ANK3: variants seen among roughly 807,000 people sequenced by gnomAD.
ANK3 encodes the protein ankyrin-3.
A neutral mutation model predicts 370.9 loss-of-function variants in ANK3; 57 were observed. The observed-to-expected ratio is 0.15, with a 90% CI of 0.12 to 0.19. ANK3 has a LOEUF of 0.19. Ranked by LOEUF, ANK3 falls within the 10% of genes least tolerant of loss-of-function variation. The probability of loss-of-function intolerance (pLI) is 1.00; values close to 1 mark genes in which losing one functional copy is unlikely to be tolerated. For synonymous variants in ANK3, 1,929 were observed against 1,946.3 expected (o/e 0.99, Z 0.23); for missense variants, 4,439 against 5,302.1 (o/e 0.84, Z 5.06).
At position 60,395,550 on chromosome 10, in the gene ANK3, C is replaced by CTCTTTCTTTCTT. The variant is rs58204421; in HGVS notation, c.97-115923_97-115912dup. Among the ~76,000 whole-genome samples, 696 of 108,112 alleles carry CTCTTTCTTTCTT rather than the reference C, an allele frequency of 6.4e-3. 8 individuals carry two copies. Among genetic ancestry groups the CTCTTTCTTTCTT allele is most frequent in the East Asian group, 0.017 (53 of 3,046 alleles). The allele number at this position is 108,112 out of a possible 152,430, so 70.9% of individuals were successfully genotyped here. ...AACACTTAGCAATCAACTACTATGC[C>CTCTTTCTTTCTT]TCTTTCTTTCTTTCTTTCTTTCTTT... On this transcript the variant is annotated intron_variant, in intron 2 of 43. Coordinates refer to the ANK3 transcript ENST00000373827.
intron 4 of ANK3, among the ~76,000 whole-genome samples, chr10:60,271,126 T>G (rs1373578101): frequency 6.6e-6 from 1 of 152,204 alleles, no homozygotes; most frequent in Non-Finnish European, 1.5e-5. Flanking sequence ...ACTATACTAT[T>G]TTAAAATCTT....
intron 23 of ANK3, among the ~76,000 whole-genome samples, chr10:60,148,058 G>A (rs1291092559): frequency 6.6e-6 from 1 of 152,148 alleles, no homozygotes; most frequent in Non-Finnish European, 1.5e-5. Flanking sequence ...GCCTCCTGTG[G>A]GATGGCCATC....
rs368634935 is a variant in ANK3, at chr10:60,172,376, G to A, written c.2410C>T (p.Arg804Trp). ...ACTACTGAGATGTAGCCGAGGCGCC[G>A]GGCAATGCCAAGGGCAGTATTCCCA... is the stretch of plus-strand genomic sequence containing the variant. ...VNGNTALGIA[R>W]RLGYISVVDT... Residue 804 changes from arginine to tryptophan, a missense_variant, in exon 21 of 44, where the codon CGG becomes TGG. This residue lies in a region of ANK3 where 702 missense variants were observed against 941.5 expected (regional missense o/e 0.75). Coordinates refer to ENST00000280772, the MANE Select transcript of ANK3 (RefSeq NM_020987.5). The A allele has an allele frequency of 5.4e-5, 87 of 1,613,818 alleles. No individual in the cohort carries two copies. Among genetic ancestry groups the A allele is most frequent in the Admixed American group, 1.2e-4 (7 of 60,000 alleles).
At chr10:60,284,238 G>T (rs1365356659) in intron 1 of ANK3, among the ~76,000 whole-genome samples, 1 of 152,142 alleles carries the variant, frequency 6.6e-6, no homozygotes, top group African/African-American at 2.4e-5. Context: ...CTGCCCTAGA[G>T]TCTTTAGAGG....
At chr10:60,310,715 A>C (rs1286060587) in intron 1 of ANK3, among the ~76,000 whole-genome samples, 1 of 152,212 alleles carries the variant, frequency 6.6e-6, no homozygotes, top group African/African-American at 2.4e-5. Flanking sequence ...CCCAATGTCT[A>C]AAATGTGTAG....
chr10:60,615,313 T>C (rs2078253432), intron 1 of ANK3: 1 of 878,032 alleles, frequency 1.1e-6, no homozygotes, highest in Non-Finnish European at 1.7e-6. Flanking sequence ...ACATTATTAA[T>C]TGACTTATAA....
intron 1 of ANK3, among the ~76,000 whole-genome samples, chr10:60,308,520 C>T (rs997406799): frequency 3.9e-5 from 6 of 152,014 alleles, no homozygotes; most frequent in Non-Finnish European, 7.4e-5. Flanking sequence ...AGGTGATCTG[C>T]CTGCCTCGGC....
At chr10:60,080,738 T>A in intron 35 of ANK3, 120 bp from the exon 36 acceptor site, 2 of 885,446 alleles carry the variant, frequency 2.3e-6, no homozygotes, top group Non-Finnish European at 3.4e-6. Flanking sequence ...TAGGAAATGT[T>A]AATTTCCCAC....
At chr10:60,320,304 G>A (rs1022067952) in intron 1 of ANK3, among the ~76,000 whole-genome samples, 16 of 152,286 alleles carry the variant, frequency 1.1e-4, no homozygotes, top group Admixed American at 5.9e-4. Flanking sequence ...ATTCAAAAAA[G>A]CACCATGGGC....
Position 60,503,899 on chromosome 10 carries a change from T to A in ANK3, c.96+111287A>T, listed in dbSNP as rs1051125564. On this transcript the variant is annotated intron_variant, in intron 2 of 43. Coordinates refer to the ANK3 transcript ENST00000373827. ...GTGACAGTGAGTCTTATATATGCGT[T>A]ATTTTTCCCAAGTAATGTGATACCT... is the stretch of plus-strand genomic sequence containing the variant. 2.0e-5 allele frequency among the ~76,000 whole-genome samples: 3 copies of A among 152,292 alleles called. No individual in the cohort carries two copies. The South Asian group carries it at 6.2e-4, about 32-fold the overall frequency.
intron 16 of ANK3, among the ~76,000 whole-genome samples, chr10:60,194,557 T>G (rs922112814): frequency 1.4e-4 from 22 of 152,218 alleles, no homozygotes; most frequent in African/African-American, 5.1e-4. Flanking sequence ...GATTCCTCCA[T>G]GTATTATAGT....
chr10:60,674,629 C>T (rs1351785178), intron 1 of ANK3, among the ~76,000 whole-genome samples: 1 of 152,196 alleles, frequency 6.6e-6, no homozygotes, highest in African/African-American at 2.4e-5. Context: ...AGGAGACAAA[C>T]ATCCAAACCA....
chr10:60,486,450 C>G (rs750795866), intron 2 of ANK3, among the ~76,000 whole-genome samples: 1 of 152,046 alleles, frequency 6.6e-6, no homozygotes, highest in Non-Finnish European at 1.5e-5. Context: ...GTGTGGTGTG[C>G]GCACCTGTAG....
At chr10:60,476,906 T>C (rs913252820) in intron 2 of ANK3, among the ~76,000 whole-genome samples, 4 of 152,174 alleles carry the variant, frequency 2.6e-5, no homozygotes, top group Non-Finnish European at 5.9e-5. Context: ...CAGTCACAAA[T>C]AGAGAGAAGT....
intron 2 of ANK3, among the ~76,000 whole-genome samples, chr10:60,526,721 C>A (rs1327995799): frequency 6.6e-6 from 1 of 152,018 alleles, no homozygotes; most frequent in Non-Finnish European, 1.5e-5. Context: ...AAATGAGAGA[C>A]CCACATGGTA....
At chr10:60,360,799 A>T (rs2058486308) in intron 1 of ANK3, among the ~76,000 whole-genome samples, 1 of 152,188 alleles carries the variant, frequency 6.6e-6, no homozygotes, top group Non-Finnish European at 1.5e-5. Flanking sequence ...TTTTTTTTGA[A>T]TAAAAAATCA....
At chr10:60,229,023 G>C (rs1487070013) in intron 8 of ANK3, among the ~76,000 whole-genome samples, 2 of 152,140 alleles carry the variant, frequency 1.3e-5, no homozygotes, top group Non-Finnish European at 2.9e-5. Context: ...TTAGGAGAGG[G>C]AGAAAAATAA....
intron 8 of ANK3, among the ~76,000 whole-genome samples, chr10:60,214,330 C>T (rs2096901822): frequency 6.6e-6 from 1 of 152,094 alleles, no homozygotes; most frequent in Admixed American, 6.6e-5. Flanking sequence ...TACGAATTCT[C>T]TGAATTCCAT....
chr10:60,615,081 C>G, intron 2 of ANK3: 1 of 691,108 alleles, frequency 1.4e-6, no homozygotes, highest in Non-Finnish European at 2.2e-6. Flanking sequence ...TTTAAAAGGA[C>G]CATCTCCTGT....
Sources: allele counts gnomAD v4.1 joint callset (sites outside exome capture counted in the v4.1 genomes callset), GRCh38; gene constraint gnomAD v4.1.1; regional missense constraint gnomAD v4.1.1; transcripts MANE v1.5; gene names NCBI Gene and HGNC (gene_info 2026-07-23, HGNC 2026-07-21).